Variants in AXDND1 observed in about 807,000 individuals in gnomAD.
AXDND1 encodes the protein axonemal dynein light chain domain containing 1.
In AXDND1, 110 loss-of-function variants were observed where a neutral mutation model predicts 137.5. That is an observed-to-expected ratio of 0.80 (90% CI 0.69 to 0.94). The LOEUF (loss-of-function observed/expected upper bound fraction) is 0.94, where lower values mean the gene tolerates loss of function less well. AXDND1 is among the 40% of genes least tolerant of loss of function. The pLI is 0.00. For synonymous variants in AXDND1, 414 were observed against 399.7 expected (o/e 1.04, Z -0.43); for missense variants, 1,191 against 1,169.8 (o/e 1.02, Z -0.26).
intron 15 of AXDND1, among the ~76,000 whole-genome samples, chr1:179,438,106 C>T (rs1395290912): frequency 2.0e-5 from 3 of 151,998 alleles, no homozygotes; most frequent in Non-Finnish European, 4.4e-5. Context: ...GAGCCAAGAT[C>T]GTGCCACTGC....
intron 17 of AXDND1, among the ~76,000 whole-genome samples, chr1:179,477,263 T>C (rs1388351115): frequency 6.6e-6 from 1 of 151,996 alleles, no homozygotes; most frequent in Non-Finnish European, 1.5e-5. Flanking sequence ...TTCCTTTGTT[T>C]ATCTAGTCAT....
intron 17 of AXDND1, among the ~76,000 whole-genome samples, chr1:179,471,233 G>T (rs959051378): frequency 2.0e-5 from 3 of 151,936 alleles, no homozygotes; most frequent in African/African-American, 7.3e-5. Flanking sequence ...ATGTAATACT[G>T]GCTTCATGAA....
intron 18 of AXDND1, among the ~76,000 whole-genome samples, chr1:179,488,631 TCTCCTTTCTTTCTTTCTTTC>T (rs1385177455): frequency 1.5e-5 from 1 of 67,080 alleles, no homozygotes; most frequent in Non-Finnish European, 3.0e-5. Flanking sequence ...TCTCTCTCTC[TCTCCTTTCTTTCTTTCTTTC>T]TTTCTTTCTT....
intron 11 of AXDND1, among the ~76,000 whole-genome samples, chr1:179,407,328 A>C (rs1367167306): frequency 6.6e-6 from 1 of 151,752 alleles, no homozygotes; most frequent in East Asian, 1.9e-4. Context: ...CCCTGGTTCA[A>C]GCAATTCCCC....
In AXDND1 at chr1:179,429,548, A is replaced by G; in HGVS notation, c.1261A>G (p.Arg421Gly). Residue 421 changes from arginine to glycine, a missense_variant, in exon 13 of 26, where the codon AGA (arginine) becomes GGA (glycine). Physicochemically the swap from Arg to Gly is moderately radical, Grantham distance 125. Transcript: ENST00000367618. ...VIERNRVILA[R>G]RLYLNEKGWN... The stretch of plus-strand genomic sequence containing the variant: ...TGAAAGAAATAGAGTCATATTGGCT[A>G]GAAGACTTTACCTTAATGAAAAAGG... 2 of 1,570,466 alleles carry G rather than the reference A, an allele frequency of 1.3e-6. No homozygotes were observed. The highest frequency in any genetic ancestry group is 2.4e-5 in the East Asian group (1 of 42,270).
intron 25 of AXDND1, among the ~76,000 whole-genome samples, chr1:179,535,457 A>T (rs1300246975): frequency 6.6e-6 from 1 of 151,980 alleles, no homozygotes; most frequent in Admixed American, 6.6e-5. Context: ...CCCACTTATG[A>T]GTGAGAACAT....
intron 11 of AXDND1, among the ~76,000 whole-genome samples, chr1:179,405,557 A>T (rs903804552): frequency 6.6e-6 from 1 of 152,096 alleles, no homozygotes; most frequent in Non-Finnish European, 1.5e-5. Flanking sequence ...TTACTGATTC[A>T]ATCTTGTTAC....
At chr1:179,470,188 T>G (rs374136247) in intron 17 of AXDND1, among the ~76,000 whole-genome samples, 9 of 152,204 alleles carry the variant, frequency 5.9e-5, no homozygotes, top group African/African-American at 2.2e-4. Flanking sequence ...CTTGTGTCAG[T>G]AACACACTGT....
intron 15 of AXDND1, among the ~76,000 whole-genome samples, chr1:179,443,101 C>T (rs779495489): frequency 3.2e-4 from 48 of 152,184 alleles, no homozygotes; most frequent in Non-Finnish European, 2.8e-4. Flanking sequence ...TAGATAACTT[C>T]AAGGAGCCCA....
At chr1:179,422,067 A>T (rs1447850108) in intron 12 of AXDND1, among the ~76,000 whole-genome samples, 1 of 150,368 alleles carries the variant, frequency 6.7e-6, no homozygotes, top group East Asian at 1.9e-4. Flanking sequence ...AAAAAACAGC[A>T]GCTTTTCCTT....
chr1:179,413,187 TGACAATC>T (rs909930831), intron 12 of AXDND1, among the ~76,000 whole-genome samples: 4 of 133,276 alleles, frequency 3.0e-5, no homozygotes, highest in Admixed American at 2.4e-4. Flanking sequence ...GATACCCTCA[TGACAATC>T]AAGGTAATAA....
intron 21 of AXDND1, among the ~76,000 whole-genome samples, chr1:179,522,497 T>C (rs959132042): frequency 6.6e-6 from 1 of 150,424 alleles, no homozygotes; most frequent in African/African-American, 2.5e-5. Context: ...CTAGAAACAA[T>C]ATGAATGTTG....
At chr1:179,464,765 T>C (rs762655757) in intron 16 of AXDND1, among the ~76,000 whole-genome samples, 1 of 152,218 alleles carries the variant, frequency 6.6e-6, no homozygotes, top group Non-Finnish European at 1.5e-5. Flanking sequence ...TAGACGTAGA[T>C]TTGGTCTTTT....
Position 179,483,210 on chromosome 1 carries a change from C to T in AXDND1, c.2080C>T (p.Leu694Phe). The change falls in exon 18 of 26, where the codon CTT (leucine) becomes TTT (phenylalanine). Residue 694 changes from leucine (L) to phenylalanine (F), a missense_variant. Transcript: ENST00000367618. ...TGAAATTAACAACGGTAACATTGAACTTCAGCACCACGTATGTACTTGTAA... is the reference window on the plus strand; with the variant it reads ...TGAAATTAACAACGGTAACATTGAATTTCAGCACCACGTATGTACTTGTAA... The part of the protein sequence containing the change: ...GNEINNGNIE[L>F]QHHMDELHIS... 6.2e-7 allele frequency: 1 copy of T among 1,606,350 alleles called. No individual in the cohort carries two copies. The highest frequency in any genetic ancestry group is 8.5e-7 in the Non-Finnish European group (1 of 1,175,170).
At chr1:179,420,466 A>G (rs1029190725) in intron 12 of AXDND1, among the ~76,000 whole-genome samples, 3 of 152,094 alleles carry the variant, frequency 2.0e-5, no homozygotes, top group Admixed American at 1.3e-4. Context: ...GTTTGGAAGT[A>G]TTCCTTCCTT....
intron 7 of AXDND1, 80 bp from the exon 8 acceptor site, chr1:179,383,362 C>T (rs1200573673): frequency 4.9e-6 from 5 of 1,015,530 alleles, no homozygotes; most frequent in Non-Finnish European, 7.6e-6. Flanking sequence ...ATTCTCTTTA[C>T]ACATATTATA....
rs141296910 is a variant in AXDND1, at chr1:179,433,627, A to T, written c.1563+1285A>T. On this transcript the variant is annotated intron_variant, in intron 15 of 25. Transcript: ENST00000367618. Reference sequence around the variant, plus strand: ...TGCCTTAATTTCATTATTACCCAGGAGTCATTCAGGAGCAGGTTGTTCAAT... The same window carrying T: ...TGCCTTAATTTCATTATTACCCAGGTGTCATTCAGGAGCAGGTTGTTCAAT... 1.3e-3 allele frequency among the ~76,000 whole-genome samples: 203 copies of T among 152,258 alleles called. 2 individuals are homozygous for T. The highest frequency in any genetic ancestry group is 4.7e-3 in the African/African-American group (197 of 41,536).
chr1:179,374,002 C>CT (rs1466977468), intron 4 of AXDND1, among the ~76,000 whole-genome samples: 1 of 152,124 alleles, frequency 6.6e-6, no homozygotes, highest in African/African-American at 2.4e-5. Flanking sequence ...TAAAGAGCTT[C>CT]TGCACAGCAA....
chr1:179,539,913 T>G (rs1380255589), intron 25 of AXDND1, among the ~76,000 whole-genome samples: 1 of 152,012 alleles, frequency 6.6e-6, no homozygotes, highest in African/African-American at 2.4e-5. Context: ...TCTCTGATCT[T>G]TTCTTCTCTC....
Sources: allele counts gnomAD v4.1 joint callset (sites outside exome capture counted in the v4.1 genomes callset), GRCh38; gene constraint gnomAD v4.1.1; transcripts MANE v1.5; gene names NCBI Gene and HGNC (gene_info 2026-07-23, HGNC 2026-07-21).